The following PLEKHA6 variants were observed in gnomAD, a reference collection of about 807,000 sequenced individuals.
PLEKHA6 encodes pleckstrin homology domain containing A6.
PLEKHA6 carries 60 observed loss-of-function variants against 116.7 expected under a neutral mutation model. That is an observed-to-expected ratio of 0.51 (90% CI 0.42 to 0.64). The LOEUF is 0.64. Ranked by LOEUF, PLEKHA6 falls within the 30% of genes least tolerant of loss-of-function variation. The pLI, the probability that PLEKHA6 is intolerant of heterozygous loss-of-function variation, is 0.00. For missense variants in PLEKHA6, 1,338 were observed against 1,422.7 expected (o/e 0.94, Z 0.96); for synonymous variants, 489 against 556.1 (o/e 0.88, Z 1.70).
At chr1:204,250,184 T>C (rs1664336533) in intron 10 of PLEKHA6, among the ~76,000 whole-genome samples, 1 of 152,220 alleles carries the variant, frequency 6.6e-6, no homozygotes, top group Non-Finnish European at 1.5e-5. Flanking sequence ...AATGCCATGC[T>C]GGGCACAGAA....
intron 1 of PLEKHA6, among the ~76,000 whole-genome samples, chr1:204,353,827 A>G (rs1310517227): frequency 2.0e-5 from 3 of 152,096 alleles, no homozygotes; most frequent in East Asian, 1.9e-4. Context: ...CTCTATCACC[A>G]TACTCCCACC....
intron 1 of PLEKHA6, among the ~76,000 whole-genome samples, chr1:204,322,079 C>G (rs147559693): frequency 6.6e-6 from 1 of 152,354 alleles, no homozygotes; most frequent in East Asian, 1.9e-4. Context: ...TTAGCTAGTC[C>G]TCGAATTAAC....
At chr1:204,237,108 G>A (rs1662169508) in intron 17 of PLEKHA6, among the ~76,000 whole-genome samples, 1 of 152,188 alleles carries the variant, frequency 6.6e-6, no homozygotes, top group Non-Finnish European at 1.5e-5. Flanking sequence ...CGTTATTGTG[G>A]TCCTCCAGTT....
At chr1:204,239,528 G>A (rs925063048) in intron 17 of PLEKHA6, among the ~76,000 whole-genome samples, 4 of 152,124 alleles carry the variant, frequency 2.6e-5, no homozygotes, top group African/African-American at 7.2e-5. Flanking sequence ...ATGGACTCAC[G>A]GAATGCCTTA....
chr1:204,333,832 G>C (rs186953623), intron 1 of PLEKHA6, among the ~76,000 whole-genome samples: 1 of 152,156 alleles, frequency 6.6e-6, no homozygotes, highest in Non-Finnish European at 1.5e-5. Flanking sequence ...CTTCCAGACC[G>C]GGCAAGTTCA....
intron 6 of PLEKHA6, 72 bp downstream of exon 6, chr1:204,264,870 C>G (rs1330798653): frequency 3.6e-6 from 4 of 1,101,392 alleles, no homozygotes; most frequent in Non-Finnish European, 4.2e-6. Flanking sequence ...CTTGGCCCTT[C>G]TCCATTCCCA....
rs1309633720 is a variant in PLEKHA6, at chr1:204,320,678, G to T, written c.-95+39016C>A. 3 of 153,322 alleles carry T rather than the reference G, an allele frequency of 2.0e-5. No homozygotes were observed. In the East Asian group the frequency reaches 5.8e-4, roughly 30 times the overall value. 9.5% of individuals were successfully genotyped at this position (153,322 alleles called of 1,614,324 possible). On this transcript the variant is annotated intron_variant, in intron 1 of 22. Coordinates refer to ENST00000272203, the MANE Select transcript of PLEKHA6 (RefSeq NM_014935.5). The stretch of plus-strand genomic sequence containing the variant: ...CTGGGTCCCCTATCTCTCCCCACAT[G>T]GCTATTGCTCATACATCAACTGCTC...
chr1:204,256,823 G>T (rs1369671436), intron 9 of PLEKHA6: 3 of 661,858 alleles, frequency 4.5e-6, no homozygotes, highest in South Asian at 1.6e-5. Flanking sequence ...GGACCGTGGG[G>T]GATGGTGGGT....
chr1:204,370,479 G>A (rs548189643), intron 2 of PLEKHA6, among the ~76,000 whole-genome samples: 5 of 152,356 alleles, frequency 3.3e-5, no homozygotes, highest in East Asian at 3.9e-4. Context: ...CCGTGGTGGC[G>A]TCATGAGGAG....
intron 10 of PLEKHA6, among the ~76,000 whole-genome samples, chr1:204,249,795 G>C (rs906395436): frequency 6.6e-6 from 1 of 152,068 alleles, no homozygotes; most frequent in Non-Finnish European, 1.5e-5. Flanking sequence ...GTCTCACTGG[G>C]CAGATCCACT....
intron 1 of PLEKHA6, among the ~76,000 whole-genome samples, chr1:204,284,483 T>C (rs959567337): frequency 4.6e-5 from 7 of 152,130 alleles, no homozygotes; most frequent in Admixed American, 2.0e-4. Context: ...CCAAGGACTC[T>C]GAGGGCAAAG....
At position 204,257,800 on chromosome 1, in the gene PLEKHA6, G is replaced by A. The variant is rs151053820; in HGVS notation, c.1077C>T (p.Pro359=). Reference sequence around the variant, plus strand: ...CTGGCGGGTAGTACTGATAATCATCGGGGTACTGGGAGGAGTAGGGGCCAT... The same window carrying A: ...CTGGCGGGTAGTACTGATAATCATCAGGGTACTGGGAGGAGTAGGGGCCAT... ...EYYGPYSSQY[P]DDYQYYPPGV... The change falls in exon 9 of 23, where the codon CCC becomes CCT. Residue 359 remains proline, a synonymous_variant. Transcript: ENST00000272203. The surrounding 1 kb of genome is among the most constrained non-coding windows in gnomAD (Gnocchi z 6.5). The A allele has an allele frequency of 1.9e-5, 31 of 1,613,904 alleles. No individual in the cohort carries two copies. The highest frequency in any genetic ancestry group is 2.2e-5 in the East Asian group (1 of 44,894).
chr1:204,279,404 A>T lies in PLEKHA6; in HGVS notation c.-94-4595T>A, dbSNP rs1327566442. The stretch of plus-strand genomic sequence containing the variant: ...TGCCAATAAACTGCAGAGTATGGCA[A>T]ATTTTCATTTTAGTTAGACATCAAG... On this transcript the variant is annotated intron_variant, in intron 1 of 22. Coordinates refer to ENST00000272203, the MANE Select transcript of PLEKHA6 (RefSeq NM_014935.5). 2.6e-5 allele frequency among the ~76,000 whole-genome samples: 4 copies of T among 152,326 alleles called. No homozygotes were observed. The East Asian group carries it at 5.8e-4, about 22-fold the overall frequency.
At chr1:204,337,486 A>C (rs968100250) in intron 1 of PLEKHA6, among the ~76,000 whole-genome samples, 19 of 152,196 alleles carry the variant, frequency 1.2e-4, no homozygotes, top group African/African-American at 4.3e-4. Flanking sequence ...ACAGAGCAAG[A>C]CCAAAAAATG....
At chr1:204,250,637 A>G in intron 9 of PLEKHA6, 23 bp from the exon 10 acceptor site, 1 of 1,568,912 alleles carries the variant, frequency 6.4e-7, no homozygotes, top group African/African-American at 1.3e-5. Context: ...GAGGCCGGTT[A>G]CTGCAGCAGG....
In PLEKHA6 at chr1:204,223,703, G is replaced by C; in HGVS notation, c.3032-118C>G. On this transcript the variant is annotated intron_variant, in intron 21 of 22. Transcript: ENST00000272203. The surrounding 1 kb of genome is among the most constrained non-coding windows in gnomAD (Gnocchi z 4.8). The stretch of plus-strand genomic sequence containing the variant: ...TGAGGCAGGGAGGCAAGCGAAGAGA[G>C]AGCACTGAGCTTGGAGCTTGCTCAA... The C allele has an allele frequency of 1.6e-6, 1 of 624,854 alleles. No individual in the cohort carries two copies. Among genetic ancestry groups the C allele is most frequent in the South Asian group, 1.9e-5 (1 of 52,382 alleles). The allele number at this position is 624,854 out of a possible 1,614,324, so 38.7% of individuals were successfully genotyped here.
rs866524321 is a variant in PLEKHA6, at chr1:204,223,432, G to A, written c.*8+30C>T. ...TGAAGGAAGGGGCCCCACTCCCGAG[G>A]TGGATGAAATACAGTAGAAAAGTGC... On this transcript the variant is annotated intron_variant, in intron 22 of 22. Coordinates refer to ENST00000272203, the MANE Select transcript of PLEKHA6 (RefSeq NM_014935.5). This position sits in a 1 kb window ranked among gnomAD's most constrained non-coding sequence, Gnocchi z 4.8. The A allele has an allele frequency of 1.6e-6, 2 of 1,257,464 alleles. No homozygotes were observed. The highest frequency in any genetic ancestry group is 4.0e-5 in the Admixed American group (2 of 50,624). 77.9% of individuals were successfully genotyped at this position (1,257,464 alleles called of 1,614,324 possible). A position where few individuals can be genotyped will look rare whatever the true frequency, so the allele number is the denominator to read the frequency against.
At position 204,318,448 on chromosome 1, in the gene PLEKHA6, T is replaced by C. The variant is rs114464034; in HGVS notation, c.-95+41246A>G. On this transcript the variant is annotated intron_variant, in intron 1 of 22. Transcript: ENST00000272203. Reference sequence around the variant, plus strand: ...TGAACTCTGCTTCCCAAGTCTGGACTTGGAACCACTGGACTACAGCGTCTG... The same window carrying C: ...TGAACTCTGCTTCCCAAGTCTGGACCTGGAACCACTGGACTACAGCGTCTG... Among the ~76,000 whole-genome samples the C allele has an allele frequency of 2.6e-3, 390 of 152,336 alleles. 1 individual carries two copies. Among genetic ancestry groups the C allele is most frequent in the African/African-American group, 8.9e-3 (370 of 41,572 alleles).
intron 1 of PLEKHA6, among the ~76,000 whole-genome samples, chr1:204,357,843 C>G (rs1673458224): frequency 1.3e-5 from 2 of 152,254 alleles, no homozygotes; most frequent in Admixed American, 1.3e-4. Flanking sequence ...CCCGAGGCTG[C>G]AGGCTGGGTC....
Sources: allele counts gnomAD v4.1 joint callset (sites outside exome capture counted in the v4.1 genomes callset), GRCh38; gene constraint gnomAD v4.1.1; non-coding constraint Gnocchi (gnomAD v3.1); transcripts MANE v1.5; gene names NCBI Gene and HGNC (gene_info 2026-07-23, HGNC 2026-07-21).